COLGALT1: variants seen among roughly 807,000 people sequenced by gnomAD.
COLGALT1 encodes collagen beta(1-O)galactosyltransferase 1, also known as procollagen galactosyltransferase 1.
In COLGALT1, 43 loss-of-function variants were observed where a neutral mutation model predicts 60.8. The observed-to-expected ratio is 0.71, with a 90% CI of 0.55 to 0.91. COLGALT1 has a LOEUF of 0.91. Ranked by LOEUF, COLGALT1 falls within the 40% of genes least tolerant of loss-of-function variation. The probability of loss-of-function intolerance (pLI) is 0.00; values close to 1 mark genes in which losing one functional copy is unlikely to be tolerated. For missense variants in COLGALT1, 845 were observed against 880.0 expected, an observed-to-expected ratio of 0.96 and a Z score of 0.50; for synonymous variants, 369 against 374.2, an observed-to-expected ratio of 0.99 and a Z score of 0.16.
intron 1 of COLGALT1, 137 bp from the exon 2 acceptor site, chr19:17,559,169 CAAAGG>C (rs1568472118): frequency 9.0e-6 from 6 of 669,514 alleles, no homozygotes; most frequent in Middle Eastern, 3.4e-4. Context: ...CAAAAAAAAA[CAAAGG>C]AAAGGGAGAA....
chr19:17,569,294 C>T (rs1390598387), intron 5 of COLGALT1, among the ~76,000 whole-genome samples: 3 of 152,092 alleles, frequency 2.0e-5, no homozygotes, highest in South Asian at 4.1e-4. Context: ...AATTTTGTCA[C>T]GTGCATAGAT....
At chr19:17,564,067 C>CG (rs67820226) in intron 3 of COLGALT1, among the ~76,000 whole-genome samples, 1 of 88,678 alleles carries the variant, frequency 1.1e-5, no homozygotes, top group Admixed American at 1.1e-4. Flanking sequence ...GAGACCCCCC[C>CG]CATCTCTACA....
chr19:17,573,981 C>CAATA (rs1180457045), intron 6 of COLGALT1, among the ~76,000 whole-genome samples: 7 of 151,886 alleles, frequency 4.6e-5, no homozygotes, highest in South Asian at 4.2e-4. Flanking sequence ...GACCCTGTAT[C>CAATA]AATAAATAAA....
intron 9 of COLGALT1, among the ~76,000 whole-genome samples, 158 bp downstream of exon 9, chr19:17,578,247 C>G (rs113103787): frequency 1.6e-4 from 25 of 152,164 alleles, no homozygotes; most frequent in Admixed American, 3.9e-4. Flanking sequence ...ATGCGCCACA[C>G]CAGCTGTATC....
In COLGALT1 at chr19:17,568,520, G is replaced by A. The variant is rs940660114; in HGVS notation, c.636G>A (p.Lys212=). ...WCGMTSQGYY[K]RTPAYIPIRK... is the part of the protein sequence containing the mutation. ...CTCTCTCCCCACAGGGCTACTACAA[G>A]CGCACACCTGCCTACATCCCTATCC... The change falls in exon 5 of 12, where the codon AAG becomes AAA. Residue 212 remains lysine, a synonymous_variant. Coordinates refer to ENST00000252599, the MANE Select transcript of COLGALT1 (RefSeq NM_024656.4). 1.2e-5 allele frequency: 19 copies of A among 1,613,954 alleles called. No individual in the cohort carries two copies. Among genetic ancestry groups the A allele is most frequent in the East Asian group, 4.5e-5 (2 of 44,892 alleles).
chr19:17,574,673 G>A (rs1866505095), intron 6 of COLGALT1, among the ~76,000 whole-genome samples: 1 of 152,080 alleles, frequency 6.6e-6, no homozygotes, highest in Admixed American at 6.6e-5. Context: ...CCTGGAGACT[G>A]CACAATCACT....
At chr19:17,560,284 C>A in intron 2 of COLGALT1, 64 bp from the exon 3 acceptor site, 1 of 1,383,242 alleles carries the variant, frequency 7.2e-7, no homozygotes, top group Non-Finnish European at 1.0e-6. Context: ...CCGAAGGCAG[C>A]TCAGGCCCTC....
At position 17,572,496 on chromosome 19, in the gene COLGALT1, T is replaced by C. The variant is rs1306226199; in HGVS notation, c.843T>C (p.Tyr281=). ...TGCCCACTGCAGAGGTTCAGATGTATGTGTGCAACAAGGAGGAGTACGGAT... is the reference window on the plus strand; with the variant it reads ...TGCCCACTGCAGAGGTTCAGATGTACGTGTGCAACAAGGAGGAGTACGGAT... The part of the protein sequence containing the change: ...FSCKQAEVQM[Y]VCNKEEYGFL... The change falls in exon 6 of 12, where the codon TAT becomes TAC. Residue 281 remains tyrosine, a synonymous_variant. Coordinates refer to ENST00000252599, the MANE Select transcript of COLGALT1 (RefSeq NM_024656.4). 4 of 1,614,108 alleles carry C rather than the reference T, an allele frequency of 2.5e-6. No homozygotes were observed. Among genetic ancestry groups the C allele is most frequent in the South Asian group, 1.1e-5 (1 of 91,086 alleles).
chr19:17,568,705 A>T lies in COLGALT1; in HGVS notation c.821A>T (p.Lys274Met). The change falls in exon 5 of 12, where the codon AAG becomes ATG. Residue 274 changes from lysine (K) to methionine (M), a missense_variant. Lys to Met is a moderately conservative substitution (Grantham distance 95, BLOSUM62 -1). Coordinates refer to ENST00000252599, the MANE Select transcript of COLGALT1 (RefSeq NM_024656.4). Reference protein sequence around the residue: ...DDIIVFAFSCKQAEVQMYVCN... With the variant: ...DDIIVFAFSCMQAEVQMYVCN... The stretch of plus-strand genomic sequence containing the variant: ...ATCATCGTCTTTGCCTTCTCCTGCA[A>T]GCAGGCAGGTACGTACATGAGGGGT... 6.2e-7 allele frequency: 1 copy of T among 1,614,174 alleles called. No homozygotes were observed. Among genetic ancestry groups the T allele is most frequent in the East Asian group, 2.2e-5 (1 of 44,880 alleles).
rs750229387 is a variant in COLGALT1, at chr19:17,577,431, A to C, written c.1097A>C (p.Glu366Ala). ...ERMLRALQAQ[E>A]IECRLVEAVD... Reference sequence around the variant, plus strand: ...ATGCTGCGGGCGCTGCAGGCACAGGAGATCGAGTGCCGGCTGGTGGAGGCC... The same window carrying C: ...ATGCTGCGGGCGCTGCAGGCACAGGCGATCGAGTGCCGGCTGGTGGAGGCC... Residue 366 changes from glutamate (E) to alanine (A), a missense_variant, in exon 8 of 12, where the codon GAG becomes GCG. Glu to Ala is a moderately radical substitution (Grantham distance 107). Transcript: ENST00000252599. 1.1e-4 allele frequency: 136 copies of C among 1,251,496 alleles called. No homozygotes were observed. Among genetic ancestry groups the C allele is most frequent in the Non-Finnish European group, 1.3e-4 (125 of 977,780 alleles). The allele number at this position is 1,251,496 out of a possible 1,614,324, so 77.5% of individuals were successfully genotyped here.
At chr19:17,563,797 A>G (rs970937164) in intron 3 of COLGALT1, among the ~76,000 whole-genome samples, 1 of 152,138 alleles carries the variant, frequency 6.6e-6, no homozygotes, top group African/African-American at 2.4e-5. Context: ...CCTGGTCACA[A>G]AATTATATTT....
chr19:17,579,662 A>T, intron 10 of COLGALT1, 53 bp downstream of exon 10: 1 of 673,000 alleles, frequency 1.5e-6, no homozygotes, highest in Non-Finnish European at 2.2e-6. Context: ...CAAGGCCAGG[A>T]CTTAGAGGTG....
rs146222720 is a variant in COLGALT1 at position 17,572,541 on chromosome 19, C to T, written c.888C>T (p.Arg296=). The stretch of plus-strand genomic sequence containing the variant: ...ACGGATTCTTGCCAGTGCCATTGCG[C>T]GCCCACAGCACCCTCCAGGATGAGG... ...EEYGFLPVPL[R]AHSTLQDEAE... Residue 296 remains arginine (R), a synonymous_variant, in exon 6 of 12, where the codon CGC becomes CGT. Transcript: ENST00000252599. 4.8e-5 allele frequency: 77 copies of T among 1,614,048 alleles called. No individual in the cohort carries two copies. The highest frequency in any genetic ancestry group is 1.2e-4 in the South Asian group (11 of 91,090).
At chr19:17,575,338 T>C (rs1474060452) in intron 6 of COLGALT1, among the ~76,000 whole-genome samples, 3 of 152,172 alleles carry the variant, frequency 2.0e-5, no homozygotes, top group Admixed American at 1.3e-4. Context: ...CTCCGCTTCC[T>C]GGGTTCACGC....
chr19:17,570,745 T>C (rs1206136009), intron 5 of COLGALT1, among the ~76,000 whole-genome samples: 1 of 151,808 alleles, frequency 6.6e-6, no homozygotes, highest in Non-Finnish European at 1.5e-5. Context: ...TTTGTATTTT[T>C]AGTAGAGATG....
At chr19:17,577,003 T>TGAGAGGCAGGACTGGGGGCGTGGTGAAGC in intron 6 of COLGALT1, 192 bp from the exon 7 acceptor site, 1 of 585,050 alleles carries the variant, frequency 1.7e-6, no homozygotes, top group South Asian at 2.0e-5. Context: ...TGGCCAGGGC[T>TGAGAGGCAGGACTGGGGGCGTGGTGAAGC]TTGGGCTGCT....
chr19:17,558,185 C>T (rs920260337), intron 1 of COLGALT1, among the ~76,000 whole-genome samples: 16 of 151,566 alleles, frequency 1.1e-4, no homozygotes, highest in Admixed American at 2.0e-4. Flanking sequence ...GTGATTCACC[C>T]GCCTCGGCCT....
rs754505584 is a variant in COLGALT1, at chr19:17,581,276, T to C, written c.1701T>C (p.Tyr567=). The C allele has an allele frequency of 1.6e-5, 25 of 1,612,228 alleles. No individual in the cohort carries two copies. The highest frequency in any genetic ancestry group is 3.3e-4 in the Middle Eastern group (2 of 6,084). The change falls in exon 12 of 12, where the codon TAT becomes TAC. Residue 567 remains tyrosine, a synonymous_variant. Transcript: ENST00000252599. ...YPTHYTGDDG[Y]VSDTETSVVW... The stretch of plus-strand genomic sequence containing the variant: ...CACACTACACAGGAGACGATGGCTA[T>C]GTGAGTGACACCGAGACCTCAGTCG...
chr19:17,567,280 A>C, intron 3 of COLGALT1, 126 bp from the exon 4 acceptor site: 1 of 1,270,648 alleles, frequency 7.9e-7, no homozygotes, highest in East Asian at 2.4e-5. Flanking sequence ...GCTTCATTTC[A>C]TCCGGTGTAG....
Sources: gnomAD v4.1 joint callset for allele counts (sites outside exome capture counted in the v4.1 genomes callset) on GRCh38, gnomAD v4.1.1 for gene constraint, MANE v1.5 for transcripts, NCBI Gene and HGNC (gene_info 2026-07-23, HGNC 2026-07-21) for gene names.